The following MAEA variants were observed in gnomAD, a reference collection of about 807,000 sequenced individuals.
MAEA encodes macrophage erythroblast attacher, E3 ubiquitin ligase.
A neutral mutation model predicts 46.2 loss-of-function variants in MAEA; 22 were observed. The ratio of observed to expected loss-of-function variants is 0.48; its 90% CI spans 0.34 to 0.68. The LOEUF (loss-of-function observed/expected upper bound fraction) is 0.68. MAEA is among the 30% of genes least tolerant of loss of function. The pLI is 0.01. For synonymous variants in MAEA, 246 were observed against 222.6 expected (o/e 1.11, Z -0.94); for missense variants, 393 against 558.1 (o/e 0.70, Z 2.98).
chr4:1,307,552 A>G (rs758930020), intron 1 of MAEA, among the ~76,000 whole-genome samples: 3 of 152,156 alleles, frequency 2.0e-5, no homozygotes, highest in African/African-American at 7.2e-5. Context: ...CCCCAGGGGG[A>G]CGGAACTCAT....
chr4:1,300,698 G>A (rs960708092), intron 1 of MAEA, among the ~76,000 whole-genome samples: 1 of 152,254 alleles, frequency 6.6e-6, no homozygotes, highest in Non-Finnish European at 1.5e-5. Context: ...GCAAGGAAGT[G>A]GCTGGCTAAG....
chr4:1,337,032 G>T, intron 7 of MAEA, 38 bp downstream of exon 7: 1 of 1,607,470 alleles, frequency 6.2e-7, no homozygotes. Flanking sequence ...TTTGGCCTGG[G>T]GTTGGCATCT....
At chr4:1,297,412 C>T (rs892981472) in intron 1 of MAEA, among the ~76,000 whole-genome samples, 4 of 145,344 alleles carry the variant, frequency 2.8e-5, no homozygotes, top group East Asian at 1.9e-4. Context: ...CCCCAGAGCA[C>T]GGGGCTGGCC....
chr4:1,313,959 A>G (rs1478485074), intron 2 of MAEA, among the ~76,000 whole-genome samples: 2 of 152,150 alleles, frequency 1.3e-5, no homozygotes, highest in Non-Finnish European at 2.9e-5. Flanking sequence ...GCTTGAGCCC[A>G]GGAGGTCGAG....
chr4:1,311,182 T>C lies in MAEA; in HGVS notation c.70-797T>C, dbSNP rs1470111357. On this transcript the variant is annotated intron_variant, in intron 1 of 8. Coordinates refer to ENST00000303400, the MANE Select transcript of MAEA (RefSeq NM_001017405.3). The surrounding 1 kb of genome is among the most constrained non-coding windows in gnomAD (Gnocchi z 4.4). ...GGCGGCAGCACGGCCGTGTTGCTGA[T>C]GCGCTGTGTGGTGAGCTGCCGGCCA... is the stretch of plus-strand genomic sequence containing the variant. Among the ~76,000 whole-genome samples, 3 of 152,236 alleles carry C rather than the reference T, an allele frequency of 2.0e-5. No individual in the cohort carries two copies. Among genetic ancestry groups the C allele is most frequent in the African/African-American group, 7.2e-5 (3 of 41,460 alleles).
chr4:1,298,106 T>C, intron 1 of MAEA: 1 of 456,284 alleles, frequency 2.2e-6, no homozygotes, highest in South Asian at 1.5e-5. Flanking sequence ...TTTAGCACCC[T>C]GTACCCCAGG....
chr4:1,329,120 C>T (rs10029534), intron 5 of MAEA: 10 of 985,442 alleles, frequency 1.0e-5, no homozygotes, highest in East Asian at 1.1e-4. Flanking sequence ...GAAAACAAAA[C>T]GTGTCCATCC....
Position 1,337,021 on chromosome 4 carries a change from G to C in MAEA, c.899+27G>C, listed in dbSNP as rs778546466. The C allele has an allele frequency of 6.2e-6, 10 of 1,610,916 alleles. No individual in the cohort carries two copies. In the East Asian group the frequency reaches 2.2e-4, roughly 36 times the overall value. On this transcript the variant is annotated intron_variant, in intron 7 of 8. Transcript: ENST00000303400. The stretch of plus-strand genomic sequence containing the variant: ...TATCCTACCTCCCGTGCGCAGTGCG[G>C]TTTGGCCTGGGGTTGGCATCTTTGG...
In MAEA at chr4:1,336,534, CAG is replaced by C. The variant is rs112189421; in HGVS notation, c.766-324_766-323del. Among the ~76,000 whole-genome samples the C allele has an allele frequency of 1.4e-4, 22 of 152,048 alleles. 1 individual carries two copies. The highest frequency in any genetic ancestry group is 4.6e-4 in the African/African-American group (19 of 41,424). ...CACTTGTCCCGCAGCATGTTGAAAT[CAG>C]AGTTAAGTTCATACTGGCCTCGCAG... is the stretch of plus-strand genomic sequence containing the variant. On this transcript the variant is annotated intron_variant, in intron 6 of 8. Coordinates refer to ENST00000303400, the MANE Select transcript of MAEA (RefSeq NM_001017405.3).
At chr4:1,304,659 T>TC (rs922627552) in intron 1 of MAEA, among the ~76,000 whole-genome samples, 2 of 152,044 alleles carry the variant, frequency 1.3e-5, no homozygotes, top group African/African-American at 4.8e-5. Context: ...CAGGATGGTC[T>TC]CCATCTCCTG....
intron 5 of MAEA, chr4:1,328,723 C>A: frequency 1.6e-6 from 2 of 1,247,414 alleles, no homozygotes; most frequent in Admixed American, 5.3e-5. Flanking sequence ...CCAAGACGCA[C>A]GGCAGAACCG....
At position 1,322,410 on chromosome 4, in the gene MAEA, G is replaced by A. The variant is rs147076475; in HGVS notation, c.486G>A (p.Thr162=). ...EDLVNIEMFL[T]AKEVEESLER... ...TAGTGAATATTGAGATGTTCCTGAC[G>A]GCCAAAGAGGTGGAGGAGTCCCTGG... The change falls in exon 4 of 9, where the codon ACG becomes ACA. Residue 162 remains threonine (T), a synonymous_variant. Coordinates refer to ENST00000303400, the MANE Select transcript of MAEA (RefSeq NM_001017405.3). 1.0e-4 allele frequency: 161 copies of A among 1,614,060 alleles called. No individual in the cohort carries two copies. In the African/African-American group the frequency reaches 1.7e-3, roughly 17 times the overall value.
At chr4:1,322,943 CTTTTTTTT>C (rs60692981) in intron 4 of MAEA, among the ~76,000 whole-genome samples, 4 of 75,248 alleles carry the variant, frequency 5.3e-5, no homozygotes, top group Non-Finnish European at 7.1e-5. Flanking sequence ...TGAATACCCA[CTTTTTTTT>C]TTTTTTTTTT....
At chr4:1,337,039 A>G (rs2109018043) in intron 7 of MAEA, 45 bp downstream of exon 7, 5 of 1,603,590 alleles carry the variant, frequency 3.1e-6, no homozygotes, top group East Asian at 2.2e-5. Flanking sequence ...TGGGGTTGGC[A>G]TCTTTGGTCA....
chr4:1,338,304 C>T, intron 7 of MAEA, 118 bp from the exon 8 acceptor site: 1 of 761,882 alleles, frequency 1.3e-6, no homozygotes, highest in South Asian at 1.8e-5. Context: ...CCCGTGTAGT[C>T]AGCATGGCGC....
intron 7 of MAEA, chr4:1,337,216 C>T: frequency 3.5e-6 from 2 of 570,144 alleles, no homozygotes; most frequent in Non-Finnish European, 6.2e-6. Context: ...TGGCGCGCTT[C>T]CTCTCTCATC....
chr4:1,329,665 C>T (rs935100398), intron 5 of MAEA: 86 of 985,414 alleles, frequency 8.7e-5, no homozygotes, highest in Non-Finnish European at 8.7e-5. Context: ...TCAGCGTGGC[C>T]CTGGAGCCAC....
rs544455081 is a variant in MAEA at position 1,314,898 on chromosome 4, G to T, written c.253-499G>T. Among the ~76,000 whole-genome samples the T allele has an allele frequency of 3.9e-5, 6 of 152,312 alleles. No homozygotes were observed. In the South Asian group the frequency reaches 6.2e-4, roughly 16 times the overall value. ...TGTGTGCTGTCAAATTTTTAGCGAA[G>T]AATTCAGTTCCTCAGTTGCACCACT... On this transcript the variant is annotated intron_variant, in intron 2 of 8. Transcript: ENST00000303400.
chr4:1,303,368 C>A (rs1392934995), intron 1 of MAEA, among the ~76,000 whole-genome samples: 1 of 141,702 alleles, frequency 7.1e-6, no homozygotes, highest in Non-Finnish European at 1.5e-5. Context: ...CACTACTGCA[C>A]TCCAGCCTGG....
Sources: gnomAD v4.1 joint callset for allele counts (sites outside exome capture counted in the v4.1 genomes callset) on GRCh38, gnomAD v4.1.1 for gene constraint, Gnocchi (gnomAD v3.1) non-coding constraint, MANE v1.5 for transcripts, NCBI Gene and HGNC (gene_info 2026-07-23, HGNC 2026-07-21) for gene names.